CASR: variants seen among roughly 807,000 people sequenced by gnomAD.
CASR encodes calcium sensing receptor, also known as extracellular calcium-sensing receptor.
In CASR, 23 loss-of-function variants were observed where a neutral mutation model predicts 69.1. The observed-to-expected ratio is 0.33, with a 90% CI of 0.24 to 0.47. The LOEUF (loss-of-function observed/expected upper bound fraction) is 0.47, where lower values mean the gene tolerates loss of function less well. Ranked by LOEUF, CASR falls within the 20% of genes least tolerant of loss-of-function variation. The pLI, the probability that CASR is intolerant of heterozygous loss-of-function variation, is 1.00. For synonymous variants in CASR, 541 were observed against 544.7 expected (o/e 0.99, Z 0.10); for missense variants, 924 against 1,356.1 (o/e 0.68, Z 5.00).
chr3:122,218,587 A>G (rs1365968476), intron 1 of CASR, among the ~76,000 whole-genome samples: 2 of 137,948 alleles, frequency 1.4e-5, no homozygotes, highest in African/African-American at 5.4e-5. Flanking sequence ...AATCCACAAG[A>G]TCTGGTGGTG....
chr3:122,277,217 T>C (rs1309230394), intron 5 of CASR, among the ~76,000 whole-genome samples: 1 of 151,912 alleles, frequency 6.6e-6, no homozygotes, highest in African/African-American at 2.4e-5. Flanking sequence ...CAGCTAATTG[T>C]TGTATTTTTA....
In CASR at chr3:122,239,217, C is replaced by A. The variant is rs575380286; in HGVS notation, c.-242-14731C>A. 3.3e-5 allele frequency among the ~76,000 whole-genome samples: 5 copies of A among 152,262 alleles called. No individual in the cohort carries two copies. The East Asian group carries it at 9.7e-4, about 29-fold the overall frequency. On this transcript the variant is annotated intron_variant, in intron 1 of 6. Transcript: ENST00000639785. Reference sequence around the variant, plus strand: ...CTTGAAGGGTGAGTCCCAAGCCTGGCAGCATTCACCACAACCTGAGGTGCC... The same window carrying A: ...CTTGAAGGGTGAGTCCCAAGCCTGGAAGCATTCACCACAACCTGAGGTGCC...
chr3:122,186,449 C>T (rs775026467), intron 1 of CASR, among the ~76,000 whole-genome samples: 3 of 152,070 alleles, frequency 2.0e-5, no homozygotes, highest in African/African-American at 4.8e-5. Context: ...TAAGATAACA[C>T]GGCAATAAGT....
At chr3:122,262,931 C>A (rs1019089522) in intron 4 of CASR, among the ~76,000 whole-genome samples, 3 of 152,106 alleles carry the variant, frequency 2.0e-5, no homozygotes, top group Non-Finnish European at 4.4e-5. Context: ...ACACAGAAAA[C>A]AAAAACTCTT....
At chr3:122,249,569 G>C (rs957025095) in intron 1 of CASR, among the ~76,000 whole-genome samples, 3 of 152,222 alleles carry the variant, frequency 2.0e-5, no homozygotes, top group African/African-American at 7.2e-5. Context: ...GCCATTATCT[G>C]TCCGTACTGA....
intron 2 of CASR, among the ~76,000 whole-genome samples, chr3:122,254,721 G>A (rs1428733277): frequency 6.6e-6 from 1 of 152,156 alleles, no homozygotes; most frequent in African/African-American, 2.4e-5. Context: ...GCAAACCTGA[G>A]TAGTAAAATC....
At chr3:122,218,068 CA>C (rs2074134431) in intron 1 of CASR, among the ~76,000 whole-genome samples, 1 of 151,806 alleles carries the variant, frequency 6.6e-6, no homozygotes, top group African/African-American at 2.4e-5. Flanking sequence ...GTGATTCAAA[CA>C]AGATGAACAG....
intron 1 of CASR, among the ~76,000 whole-genome samples, chr3:122,238,031 C>T (rs530725831): frequency 6.6e-6 from 1 of 152,178 alleles, no homozygotes; most frequent in South Asian, 2.1e-4. Flanking sequence ...ATGGCTCCCC[C>T]CTGCAGGAAC....
intron 1 of CASR, among the ~76,000 whole-genome samples, chr3:122,220,673 T>C (rs1453289819): frequency 6.6e-6 from 1 of 152,224 alleles, no homozygotes; most frequent in Non-Finnish European, 1.5e-5. Flanking sequence ...CAACGTACAT[T>C]AAAATATTAA....
Position 122,213,733 on chromosome 3 carries a change from T to C in CASR, c.-243+29921T>C, listed in dbSNP as rs530130799. ...AGTTTTGCTTACTATTTGGGTACAA[T>C]TACTAAGCCAGTGTCAAAAAACCTA... On this transcript the variant is annotated intron_variant, in intron 1 of 6. Coordinates refer to ENST00000639785, the MANE Select transcript of CASR (RefSeq NM_000388.4). 3.3e-5 allele frequency among the ~76,000 whole-genome samples: 5 copies of C among 152,318 alleles called. No homozygotes were observed. The South Asian group carries it at 6.2e-4, about 19-fold the overall frequency.
At chr3:122,204,555 T>C (rs187097426) in intron 1 of CASR, among the ~76,000 whole-genome samples, 2 of 152,274 alleles carry the variant, frequency 1.3e-5, no homozygotes, top group Admixed American at 1.3e-4. Context: ...AGTGCAAATA[T>C]CTTCTTGATA....
At chr3:122,218,676 G>T (rs2074142151) in intron 1 of CASR, among the ~76,000 whole-genome samples, 1 of 152,154 alleles carries the variant, frequency 6.6e-6, no homozygotes, top group Non-Finnish European at 1.5e-5. Flanking sequence ...TTGAGCCCCA[G>T]ATGCTCTGCT....
intron 1 of CASR, among the ~76,000 whole-genome samples, chr3:122,236,630 T>C (rs2074331654): frequency 6.6e-6 from 1 of 152,212 alleles, no homozygotes; most frequent in Non-Finnish European, 1.5e-5. Context: ...GGCCAGAATA[T>C]GGACATGAGT....
At chr3:122,186,079 T>A (rs1036379742) in intron 1 of CASR, among the ~76,000 whole-genome samples, 1 of 147,770 alleles carries the variant, frequency 6.8e-6, no homozygotes, top group Non-Finnish European at 1.5e-5. Context: ...CCAGTTTTTG[T>A]CTCTATGATA....
intron 1 of CASR, among the ~76,000 whole-genome samples, chr3:122,246,234 A>T (rs1038254173): frequency 2.0e-5 from 3 of 152,150 alleles, no homozygotes; most frequent in African/African-American, 7.3e-5. Flanking sequence ...CCTGTTAATT[A>T]CACAGAGAGT....
chr3:122,201,917 C>T (rs1381592921), intron 1 of CASR, among the ~76,000 whole-genome samples: 18 of 151,316 alleles, frequency 1.2e-4, no homozygotes, highest in Non-Finnish European at 1.9e-4. Flanking sequence ...CGGGCAGAGA[C>T]GCTCCTCACT....
At chr3:122,266,266 G>A (rs1250146280) in intron 4 of CASR, among the ~76,000 whole-genome samples, 1 of 151,532 alleles carries the variant, frequency 6.6e-6, no homozygotes, top group Non-Finnish European at 1.5e-5. Context: ...CCACAAGATG[G>A]GAATATTATG....
chr3:122,198,158 C>T (rs890145295), intron 1 of CASR, among the ~76,000 whole-genome samples: 5 of 152,150 alleles, frequency 3.3e-5, no homozygotes, highest in African/African-American at 1.2e-4. Flanking sequence ...AAAAGCAAGT[C>T]GTCTCCATAA....
intron 1 of CASR, among the ~76,000 whole-genome samples, chr3:122,206,560 G>A (rs1019647712): frequency 6.6e-6 from 1 of 151,898 alleles, no homozygotes; most frequent in African/African-American, 2.4e-5. Context: ...GTCCTCATCT[G>A]GTTTTGGTAT....
Sources: gnomAD v4.1 joint callset for allele counts (sites outside exome capture counted in the v4.1 genomes callset) on GRCh38, gnomAD v4.1.1 for gene constraint, MANE v1.5 for transcripts, NCBI Gene and HGNC (gene_info 2026-07-23, HGNC 2026-07-21) for gene names.